The following PPM1H variants were observed in gnomAD, a reference collection of about 807,000 sequenced individuals.
PPM1H encodes protein phosphatase 1H.
Under a neutral mutation model 54.9 loss-of-function variants are expected in PPM1H, and 27 were observed. The observed-to-expected ratio is 0.49, with a 90% CI of 0.36 to 0.68. PPM1H has a LOEUF of 0.68. Ranked by LOEUF, PPM1H falls within the 30% of genes least tolerant of loss-of-function variation. The pLI, the probability that PPM1H is intolerant of heterozygous loss-of-function variation, is 0.00. For synonymous variants in PPM1H, 305 were observed against 270.8 expected, an observed-to-expected ratio of 1.13 and a Z score of -1.24; for missense variants, 596 against 667.8, an observed-to-expected ratio of 0.89 and a Z score of 1.19.
chr12:62,725,447 A>T (rs2076284834), intron 5 of PPM1H, among the ~76,000 whole-genome samples: 1 of 152,210 alleles, frequency 6.6e-6, no homozygotes, highest in African/African-American at 2.4e-5. Context: ...AGACACAGGG[A>T]TACAGAAGAA....
intron 1 of PPM1H, among the ~76,000 whole-genome samples, chr12:62,839,884 A>AAAAAAAAAAAAAAAAAAAAAAAC (rs1555200469): frequency 1.3e-5 from 2 of 150,170 alleles, no homozygotes; most frequent in African/African-American, 5.0e-5. Flanking sequence ...CAAAAAAAAA[A>AAAAAAAAAAAAAAAAAAAAAAAC]AAAAAACACC....
Position 62,802,024 on chromosome 12 carries a change from T to C in PPM1H, c.548A>G (p.Asn183Ser), listed in dbSNP as rs757883510. ...QLQDIVDILK[N>S]SAVLPPTCLG... The stretch of plus-strand genomic sequence containing the variant: ...GCAGGTAGGGGGCAGGACGGCGGAG[T>C]TCTTCAGGATGTCCACGATGTCCTG... Residue 183 changes from asparagine to serine, a missense_variant, in exon 3 of 10, where the codon AAC (asparagine) becomes AGC (serine). Transcript: ENST00000228705. 6.8e-6 allele frequency: 11 copies of C among 1,612,738 alleles called. No individual in the cohort carries two copies. The highest frequency in any genetic ancestry group is 6.7e-5 in the Admixed American group (4 of 59,948).
At chr12:62,665,410 G>T (rs1223113449) in intron 9 of PPM1H, among the ~76,000 whole-genome samples, 2 of 152,056 alleles carry the variant, frequency 1.3e-5, no homozygotes, top group African/African-American at 4.8e-5. Context: ...CTGAATCTTA[G>T]GTTTAGTATT....
At chr12:62,756,987 T>C (rs1208386115) in intron 4 of PPM1H, among the ~76,000 whole-genome samples, 1 of 151,984 alleles carries the variant, frequency 6.6e-6, no homozygotes, top group Non-Finnish European at 1.5e-5. Context: ...GGACACTCAA[T>C]GCTATGACTG....
chr12:62,819,994 A>T (rs1477859061), intron 2 of PPM1H, among the ~76,000 whole-genome samples: 1 of 152,222 alleles, frequency 6.6e-6, no homozygotes, highest in Non-Finnish European at 1.5e-5. Context: ...GGGAAGCGCA[A>T]GGGGTCGGGG....
chr12:62,871,857 A>G (rs1344164434), intron 1 of PPM1H, among the ~76,000 whole-genome samples: 1 of 152,040 alleles, frequency 6.6e-6, no homozygotes, highest in African/African-American at 2.4e-5. Context: ...CGGCATATAA[A>G]TCATATCTCA....
In PPM1H at chr12:62,844,606, A is replaced by C. The variant is rs1868887443; in HGVS notation, c.246-12327T>G. On this transcript the variant is annotated intron_variant, in intron 1 of 9. Transcript: ENST00000228705. This position sits in a 1 kb window ranked among gnomAD's most constrained non-coding sequence, Gnocchi z 5.2. ...AATTAGATGCTTAATACCATCCTTA[A>C]ATAAAAAGGACAAGGTGGACTACCA... Among the ~76,000 whole-genome samples the C allele has an allele frequency of 6.6e-6, 1 of 152,216 alleles. No homozygotes were observed. The highest frequency in any genetic ancestry group is 1.5e-5 in the Non-Finnish European group (1 of 68,036).
At chr12:62,911,182 A>C in intron 1 of PPM1H, among the ~76,000 whole-genome samples, 1 of 152,200 alleles carries the variant, frequency 6.6e-6, no homozygotes, top group East Asian at 1.9e-4. Context: ...TGGTCCCTAC[A>C]CGGCACTCCA....
chr12:62,809,372 T>C (rs1283075980), intron 2 of PPM1H, among the ~76,000 whole-genome samples: 1 of 152,226 alleles, frequency 6.6e-6, no homozygotes. Flanking sequence ...TTTAAGGATA[T>C]GAGGATTCTC....
intron 1 of PPM1H, among the ~76,000 whole-genome samples, chr12:62,859,246 A>G (rs972980264): frequency 2.6e-5 from 4 of 151,672 alleles, no homozygotes; most frequent in African/African-American, 9.8e-5. Context: ...ACATTCATCC[A>G]AAAAACAAGG....
At chr12:62,659,769 C>T (rs775894496) in intron 9 of PPM1H, among the ~76,000 whole-genome samples, 11 of 152,176 alleles carry the variant, frequency 7.2e-5, no homozygotes, top group Non-Finnish European at 1.3e-4. Context: ...TGGTAAGACT[C>T]AAAGTAAAAC....
At chr12:62,786,486 A>G (rs2076672396) in intron 4 of PPM1H, among the ~76,000 whole-genome samples, 1 of 152,240 alleles carries the variant, frequency 6.6e-6, no homozygotes, top group Admixed American at 6.5e-5. Context: ...TGGGAAGGTC[A>G]GGCAAGAGAT....
At chr12:62,748,058 AT>A (rs1253013901) in intron 4 of PPM1H, among the ~76,000 whole-genome samples, 3 of 152,158 alleles carry the variant, frequency 2.0e-5, no homozygotes, top group Non-Finnish European at 4.4e-5. Context: ...CAGGAGTCCA[AT>A]TTCTATGGAG....
intron 4 of PPM1H, among the ~76,000 whole-genome samples, chr12:62,745,559 G>A (rs1416696453): frequency 6.6e-6 from 1 of 152,282 alleles, no homozygotes; most frequent in South Asian, 2.1e-4. Context: ...TCTCCATGAA[G>A]TTCTTCTACT....
At chr12:62,675,022 T>G (rs997630362) in intron 8 of PPM1H, among the ~76,000 whole-genome samples, 5 of 152,190 alleles carry the variant, frequency 3.3e-5, no homozygotes, top group African/African-American at 1.2e-4. Context: ...ATCACAGGAC[T>G]TCAGAACATT....
At chr12:62,872,654 A>T (rs1471231969) in intron 1 of PPM1H, among the ~76,000 whole-genome samples, 1 of 152,238 alleles carries the variant, frequency 6.6e-6, no homozygotes, top group Non-Finnish European at 1.5e-5. Flanking sequence ...GTCACCATGC[A>T]AACATGGTAA....
intron 2 of PPM1H, among the ~76,000 whole-genome samples, chr12:62,804,699 G>A (rs1472793899): frequency 4.7e-5 from 6 of 127,374 alleles, no homozygotes; most frequent in African/African-American, 1.6e-4. Context: ...TTTTTGAGAC[G>A]GAGTCTCGCT....
intron 7 of PPM1H, 127 bp from the exon 8 acceptor site, chr12:62,689,933 G>T: frequency 1.7e-6 from 1 of 583,894 alleles, no homozygotes; most frequent in Non-Finnish European, 3.0e-6. Context: ...ATGTTTCCAG[G>T]CCCCTTGCTG....
intron 4 of PPM1H, among the ~76,000 whole-genome samples, chr12:62,768,077 A>T (rs990015168): frequency 6.6e-6 from 1 of 152,206 alleles, no homozygotes; most frequent in East Asian, 1.9e-4. Context: ...TTGAGGGAAC[A>T]TAACAGTTCA....
Sources: gnomAD v4.1 joint callset for allele counts (sites outside exome capture counted in the v4.1 genomes callset) on GRCh38, gnomAD v4.1.1 for gene constraint, Gnocchi (gnomAD v3.1) non-coding constraint, MANE v1.5 for transcripts, NCBI Gene and HGNC (gene_info 2026-07-23, HGNC 2026-07-21) for gene names.